The following DTNB variants were observed in gnomAD, a reference collection of about 807,000 sequenced individuals.
The protein encoded by DTNB is dystrobrevin beta, also known as DTN-B.
In DTNB, 63 loss-of-function variants were observed where a neutral mutation model predicts 90.7. That is an observed-to-expected ratio of 0.69 (90% CI 0.57 to 0.86). The LOEUF is 0.86. Ranked by LOEUF, DTNB falls within the 40% of genes least tolerant of loss-of-function variation. The probability of loss-of-function intolerance (pLI) is 0.00; values close to 1 mark genes in which losing one functional copy is unlikely to be tolerated. For missense variants in DTNB, 744 were observed against 807.1 expected (o/e 0.92, Z 0.95); for synonymous variants, 277 against 286.7 (o/e 0.97, Z 0.34).
intron 3 of DTNB, among the ~76,000 whole-genome samples, chr2:25,630,251 G>A (rs1398885038): frequency 4.6e-5 from 7 of 152,198 alleles, no homozygotes; most frequent in African/African-American, 1.7e-4. Flanking sequence ...GGTCAGCGAG[G>A]ATGTAGAGAA....
At chr2:25,389,745 G>A (rs994208644) in intron 16 of DTNB, among the ~76,000 whole-genome samples, 1 of 152,130 alleles carries the variant, frequency 6.6e-6, no homozygotes, top group Admixed American at 6.5e-5. Flanking sequence ...CTGAACAGGT[G>A]GACAGGCTGG....
rs771729171 is a variant in DTNB at position 25,580,755 on chromosome 2, T to C, written c.675A>G (p.Leu225=). Residue 225 remains leucine (L), a synonymous_variant, in exon 7 of 21, where the codon CTA becomes CTG. Coordinates refer to ENST00000406818, the MANE Select transcript of DTNB (RefSeq NM_021907.5). ...ADPPPQCLVW[L]PLMHRLAHVE... Reference sequence around the variant, plus strand: ...CATGGGCAAGCCTGTGCATGAGAGGTAGCCAGACAAGGCACTGGGGAGGAG... The same window carrying C: ...CATGGGCAAGCCTGTGCATGAGAGGCAGCCAGACAAGGCACTGGGGAGGAG... 2.9e-5 allele frequency: 47 copies of C among 1,613,632 alleles called. No homozygotes were observed. The South Asian group carries it at 4.4e-4, about 15-fold the overall frequency.
chr2:25,526,382 TATATATA>T lies in DTNB; in HGVS notation c.1001+5084_1001+5090del, dbSNP rs1284016752. Among the ~76,000 whole-genome samples, 44 of 53,704 alleles carry T rather than the reference TATATATA, an allele frequency of 8.2e-4. 1 individual carries two copies. The highest frequency in any genetic ancestry group is 4.8e-3 in the African/African-American group (44 of 9,156). The allele number at this position is 53,704 out of a possible 152,430, so 35.2% of individuals were successfully genotyped here. ...ATATAAATATATATATATATATATA[TATATATA>T]TATATATTTTTTTTTTTTTAATTGA... On this transcript the variant is annotated intron_variant, in intron 9 of 20. Transcript: ENST00000406818.
At chr2:25,480,339 G>A (rs1157955927) in intron 10 of DTNB, among the ~76,000 whole-genome samples, 1 of 152,164 alleles carries the variant, frequency 6.6e-6, no homozygotes, top group Admixed American at 6.5e-5. Context: ...ACCACCTCTA[G>A]GGTGGGCTAA....
chr2:25,667,887 G>A (rs773633485), intron 1 of DTNB, among the ~76,000 whole-genome samples: 2 of 152,148 alleles, frequency 1.3e-5, no homozygotes, highest in Admixed American at 6.5e-5. Flanking sequence ...TTCAGTAGGT[G>A]AACGAATAAA....
chr2:25,417,163 G>A (rs1392325449), intron 16 of DTNB, among the ~76,000 whole-genome samples: 2 of 152,116 alleles, frequency 1.3e-5, no homozygotes, highest in African/African-American at 2.4e-5. Context: ...ACCAATTCAC[G>A]CTATGGACAG....
chr2:25,568,803 G>A (rs868027852), intron 8 of DTNB, among the ~76,000 whole-genome samples: 62 of 152,234 alleles, frequency 4.1e-4, no homozygotes, highest in African/African-American at 1.4e-3. Flanking sequence ...AACCATCACC[G>A]GCACCATGAG....
intron 6 of DTNB, among the ~76,000 whole-genome samples, chr2:25,594,430 C>T (rs1470364565): frequency 6.6e-6 from 1 of 152,304 alleles, no homozygotes; most frequent in East Asian, 1.9e-4. Context: ...ATCATGGGTA[C>T]CACCTTCAGT....
At chr2:25,379,245 A>G in intron 20 of DTNB, 45 bp downstream of exon 20, 2 of 1,305,708 alleles carry the variant, frequency 1.5e-6, no homozygotes, top group Non-Finnish European at 2.0e-6. Flanking sequence ...GATGCTGAGG[A>G]AGGAGGGAGG....
intron 6 of DTNB, among the ~76,000 whole-genome samples, chr2:25,589,882 A>C (rs753578835): frequency 6.6e-6 from 1 of 152,144 alleles, no homozygotes; most frequent in Non-Finnish European, 1.5e-5. Flanking sequence ...TCACGCTACC[A>C]GCCTGGATCC....
intron 16 of DTNB, among the ~76,000 whole-genome samples, chr2:25,390,373 A>G (rs2149557507): frequency 6.6e-6 from 1 of 152,352 alleles, no homozygotes; most frequent in Admixed American, 6.5e-5. Flanking sequence ...CATGATATGT[A>G]AAAACAAAAC....
At chr2:25,591,050 T>C (rs1216764890) in intron 6 of DTNB, among the ~76,000 whole-genome samples, 2 of 152,334 alleles carry the variant, frequency 1.3e-5, no homozygotes, top group East Asian at 3.9e-4. Context: ...CCCGAGCGTG[T>C]GCACACCTGG....
intron 16 of DTNB, among the ~76,000 whole-genome samples, chr2:25,409,737 C>T (rs1325303652): frequency 6.6e-6 from 1 of 152,176 alleles, no homozygotes; most frequent in Non-Finnish European, 1.5e-5. Flanking sequence ...CCAAGAGAAC[C>T]GACGGTCCTT....
chr2:25,430,432 G>C (rs1397293013), intron 14 of DTNB, among the ~76,000 whole-genome samples: 1 of 152,026 alleles, frequency 6.6e-6, no homozygotes, highest in African/African-American at 2.4e-5. Flanking sequence ...TATCTGTACT[G>C]TGTGTGACCA....
intron 9 of DTNB, among the ~76,000 whole-genome samples, chr2:25,503,930 A>C (rs1057482511): frequency 1.3e-5 from 2 of 151,892 alleles, no homozygotes; most frequent in Non-Finnish European, 2.9e-5. Flanking sequence ...AAAAAGAAAA[A>C]AAAAAACAGT....
chr2:25,559,670 G>C (rs1173961560), intron 8 of DTNB, among the ~76,000 whole-genome samples: 1 of 152,184 alleles, frequency 6.6e-6, no homozygotes, highest in Non-Finnish European at 1.5e-5. Flanking sequence ...TCTGGAACCT[G>C]CATTACCTTA....
At chr2:25,629,480 T>A (rs1470009673) in intron 3 of DTNB, among the ~76,000 whole-genome samples, 1 of 152,182 alleles carries the variant, frequency 6.6e-6, no homozygotes, top group African/African-American at 2.4e-5. Context: ...AGACAAAGAC[T>A]GACAAATTCA....
chr2:25,467,941 C>T (rs544098881), intron 10 of DTNB, among the ~76,000 whole-genome samples: 3 of 152,006 alleles, frequency 2.0e-5, no homozygotes, highest in Non-Finnish European at 4.4e-5. Flanking sequence ...CAAGTATACA[C>T]ATGGTATACA....
At chr2:25,542,369 C>A (rs901346818) in intron 8 of DTNB, among the ~76,000 whole-genome samples, 5 of 152,200 alleles carry the variant, frequency 3.3e-5, no homozygotes, top group African/African-American at 1.2e-4. Flanking sequence ...CTGAATAAAA[C>A]CAGTGTGGTC....
Sources: allele counts gnomAD v4.1 joint callset (sites outside exome capture counted in the v4.1 genomes callset), GRCh38; gene constraint gnomAD v4.1.1; transcripts MANE v1.5; gene names NCBI Gene and HGNC (gene_info 2026-07-23, HGNC 2026-07-21).